The following OIP5 variants were observed in gnomAD, a reference collection of about 807,000 sequenced individuals.
The protein encoded by OIP5 is Opa interacting protein 5, also known as protein Mis18-beta.
Under a neutral mutation model 20.3 loss-of-function variants are expected in OIP5, and 24 were observed. The observed-to-expected ratio is 1.18, with a 90% CI of 0.86 to 1.66. OIP5 has a LOEUF of 1.66. Among genes scored for constraint, OIP5 ranks in the 40% most tolerant of loss-of-function variants. OIP5 has a pLI of 0.00. For missense variants in OIP5, 339 were observed against 289.5 expected (o/e 1.17, Z -1.24); for synonymous variants, 143 against 121.3 (o/e 1.18, Z -1.17).
At chr15:41,317,259 A>G (rs1319120882) in intron 3 of OIP5, among the ~76,000 whole-genome samples, 1 of 152,078 alleles carries the variant, frequency 6.6e-6, no homozygotes, top group Non-Finnish European at 1.5e-5. Context: ...CCATACATAG[A>G]GCTTTCACTT....
At chr15:41,315,561 C>G (rs2047784492) in intron 3 of OIP5, among the ~76,000 whole-genome samples, 1 of 152,180 alleles carries the variant, frequency 6.6e-6, no homozygotes, top group Non-Finnish European at 1.5e-5. Context: ...AGCAGCCATC[C>G]CGAATCCAAG....
intron 2 of OIP5, among the ~76,000 whole-genome samples, chr15:41,326,859 ATC>A (rs2047865042): frequency 6.6e-6 from 1 of 152,196 alleles, no homozygotes. Flanking sequence ...ATTACATTGG[ATC>A]ATGGGCACTG....
intron 2 of OIP5, among the ~76,000 whole-genome samples, chr15:41,327,077 T>TA (rs199500490): frequency 2.2e-3 from 323 of 143,894 alleles, no homozygotes; most frequent in African/African-American, 4.8e-3. Flanking sequence ...CTCCAGGAAT[T>TA]AAAAAAAAAA....
At chr15:41,316,064 C>T (rs1018427348) in intron 3 of OIP5, among the ~76,000 whole-genome samples, 7 of 152,030 alleles carry the variant, frequency 4.6e-5, no homozygotes, top group Admixed American at 4.6e-4. Flanking sequence ...GGAGGCGGAG[C>T]TTGCAGTGAG....
chr15:41,315,005 G>A (rs1277189987), intron 3 of OIP5, among the ~76,000 whole-genome samples: 1 of 151,554 alleles, frequency 6.6e-6, no homozygotes, highest in Non-Finnish European at 1.5e-5. Context: ...CCAGCTACTT[G>A]GGAGGCTGAG....
chr15:41,322,241 G>A (rs1203747510), intron 2 of OIP5, among the ~76,000 whole-genome samples: 3 of 152,092 alleles, frequency 2.0e-5, no homozygotes, highest in Non-Finnish European at 4.4e-5. Context: ...GAATTCGAGA[G>A]CAGCCTAGGC....
chr15:41,327,317 G>A (rs1393386217), intron 2 of OIP5, among the ~76,000 whole-genome samples: 1 of 151,748 alleles, frequency 6.6e-6, no homozygotes, highest in Non-Finnish European at 1.5e-5. Context: ...CAGTAGCAGG[G>A]ATTACAGGCG....
chr15:41,329,139 A>G (rs1277557217), intron 2 of OIP5, among the ~76,000 whole-genome samples: 1 of 147,840 alleles, frequency 6.8e-6, no homozygotes, highest in East Asian at 2.1e-4. Flanking sequence ...ATGCTCTTTT[A>G]GCTGCATCAT....
intron 3 of OIP5, among the ~76,000 whole-genome samples, chr15:41,315,067 G>A (rs532629948): frequency 2.8e-5 from 4 of 144,328 alleles, no homozygotes; most frequent in South Asian, 2.2e-4. Flanking sequence ...AACCATGATC[G>A]CTCCAGCCTG....
At chr15:41,309,967 C>A (rs1039054011) in intron 4 of OIP5, 118 bp from the exon 5 acceptor site, 4 of 608,380 alleles carry the variant, frequency 6.6e-6, no homozygotes, top group Non-Finnish European at 1.1e-5. Flanking sequence ...TAGTTCACTG[C>A]AGCCTCAAGC....
At chr15:41,323,018 G>A (rs2047839835) in intron 2 of OIP5, among the ~76,000 whole-genome samples, 1 of 151,922 alleles carries the variant, frequency 6.6e-6, no homozygotes, top group Non-Finnish European at 1.5e-5. Context: ...ACAATATATT[G>A]AGTTTATTGG....
chr15:41,317,135 C>G (rs77851845), intron 3 of OIP5, among the ~76,000 whole-genome samples: 12,805 of 152,118 alleles, frequency 0.084, 680 homozygotes, highest in East Asian at 0.16. Flanking sequence ...GGTAGTTTTT[C>G]TGACACTATG....
At chr15:41,330,175 C>T (rs1250249974) in intron 2 of OIP5, among the ~76,000 whole-genome samples, 1 of 152,100 alleles carries the variant, frequency 6.6e-6, no homozygotes, top group Admixed American at 6.6e-5. Context: ...ACCACAACCT[C>T]CACCTCCCGG....
At chr15:41,324,540 A>G (rs2047849824) in intron 2 of OIP5, among the ~76,000 whole-genome samples, 1 of 151,902 alleles carries the variant, frequency 6.6e-6, no homozygotes, top group Non-Finnish European at 1.5e-5. Context: ...CCCAAGGTGG[A>G]GTGCAATGGT....
At chr15:41,328,196 T>C (rs1595504061) in intron 2 of OIP5, among the ~76,000 whole-genome samples, 2 of 152,238 alleles carry the variant, frequency 1.3e-5, no homozygotes, top group Non-Finnish European at 2.9e-5. Flanking sequence ...TATTTTGTTT[T>C]GTTTTAGAGA....
At chr15:41,330,194 G>A (rs909781476) in intron 2 of OIP5, among the ~76,000 whole-genome samples, 4 of 150,390 alleles carry the variant, frequency 2.7e-5, no homozygotes, top group Admixed American at 6.6e-5. Flanking sequence ...GGGTTCAAGC[G>A]ATTCTCCCTC....
At chr15:41,321,374 TG>T (rs1463181221) in intron 2 of OIP5, among the ~76,000 whole-genome samples, 2 of 151,828 alleles carry the variant, frequency 1.3e-5, no homozygotes, top group Non-Finnish European at 2.9e-5. Flanking sequence ...CCGCCCCTAC[TG>T]GGAAGTGAGG....
intron 2 of OIP5, among the ~76,000 whole-genome samples, chr15:41,331,382 T>A (rs1395143007): frequency 6.6e-6 from 1 of 152,076 alleles, no homozygotes; most frequent in Admixed American, 6.6e-5. Context: ...AACTTAAAAG[T>A]TCTAATATCA....
At chr15:41,319,562 C>T (rs2047809929) in intron 3 of OIP5, 96 bp downstream of exon 3, 1 of 1,323,638 alleles carries the variant, frequency 7.6e-7, no homozygotes, top group African/African-American at 1.5e-5. Context: ...CCTACTTTGT[C>T]TTTCCTGAAA....
Sources: gnomAD v4.1 joint callset for allele counts (sites outside exome capture counted in the v4.1 genomes callset) on GRCh38, gnomAD v4.1.1 for gene constraint, MANE v1.5 for transcripts, NCBI Gene and HGNC (gene_info 2026-07-23, HGNC 2026-07-21) for gene names.